Variants in MTUS1 observed in about 807,000 individuals in gnomAD.
MTUS1 encodes the protein microtubule-associated tumor suppressor 1.
Under a neutral mutation model 120.8 loss-of-function variants are expected in MTUS1, and 109 were observed. That is an observed-to-expected ratio of 0.90 (90% confidence interval 0.77 to 1.06). The LOEUF (loss-of-function observed/expected upper bound fraction) is 1.06, where lower values mean the gene tolerates loss of function less well. Ranked by LOEUF, MTUS1 falls within the 50% of genes least tolerant of loss-of-function variation. MTUS1 has a pLI of 0.00. For missense variants in MTUS1, 2,210 were observed against 1,486.3 expected (o/e 1.49, Z -8.01); for synonymous variants, 737 against 550.5 (o/e 1.34, Z -4.74).
chr8:17,690,310 A>T (rs1038524417), intron 6 of MTUS1, among the ~76,000 whole-genome samples: 3 of 152,238 alleles, frequency 2.0e-5, no homozygotes, highest in South Asian at 4.1e-4. Flanking sequence ...TCATCAGAGA[A>T]ATGCAAATGA....
chr8:17,693,765 C>T (rs1817425653), intron 6 of MTUS1, among the ~76,000 whole-genome samples: 1 of 152,206 alleles, frequency 6.6e-6, no homozygotes, highest in South Asian at 2.1e-4. Context: ...AACTGGTGCT[C>T]TGTCTCCTTC....
chr8:17,781,390 T>G (rs1349374350), intron 1 of MTUS1, among the ~76,000 whole-genome samples: 1 of 152,222 alleles, frequency 6.6e-6, no homozygotes, highest in African/African-American at 2.4e-5. Context: ...ATGTGTAGTC[T>G]TTGTTTAAAT....
intron 3 of MTUS1, among the ~76,000 whole-genome samples, chr8:17,737,790 A>G (rs1409181677): frequency 3.3e-5 from 5 of 152,156 alleles, no homozygotes; most frequent in Non-Finnish European, 7.3e-5. Context: ...TCCGGCCTCA[A>G]CTTGGCTTTT....
intron 1 of MTUS1, among the ~76,000 whole-genome samples, chr8:17,761,474 A>G (rs11779088): frequency 0.98 from 148,676 of 152,266 alleles, 72,681 homozygotes; most frequent in East Asian, 1. Flanking sequence ...GCATGACGTG[A>G]CCAAATCAGT....
At chr8:17,666,471 G>A (rs1810934023) in intron 8 of MTUS1, among the ~76,000 whole-genome samples, 1 of 152,058 alleles carries the variant, frequency 6.6e-6, no homozygotes. Flanking sequence ...TTCTTACTAT[G>A]CTTGAGATAT....
chr8:17,743,765 C>T lies in MTUS1; in HGVS notation c.2126G>A (p.Arg709Lys). The T allele has an allele frequency of 6.2e-7, 1 of 1,614,074 alleles. No individual in the cohort carries two copies. The highest frequency in any genetic ancestry group is 8.5e-7 in the Non-Finnish European group (1 of 1,179,992). Residue 709 changes from arginine (R) to lysine (K), a missense_variant, in exon 3 of 15, where the codon AGG (arginine) becomes AAG (lysine). By Grantham distance (26) the Arg-to-Lys change is conservative (BLOSUM62 2). Coordinates refer to ENST00000693296, the MANE Select transcript of MTUS1 (RefSeq NM_001363059.2). ...SASKTTTTSG[R>K]NISKPDSCGL... ...GCAGGAGTCAGGCTTGGATATATTC[C>T]TACCTGAGGTGGTCGTTGTTTTTGA...
intron 3 of MTUS1, among the ~76,000 whole-genome samples, chr8:17,727,899 TTAGA>T (rs1157245252): frequency 1.3e-5 from 2 of 152,170 alleles, no homozygotes; most frequent in African/African-American, 2.4e-5. Context: ...CCACTTTGCC[TTAGA>T]TAGTAACACA....
At chr8:17,794,723 A>G (rs1483533928) in intron 1 of MTUS1, among the ~76,000 whole-genome samples, 1 of 152,236 alleles carries the variant, frequency 6.6e-6, no homozygotes. Context: ...AGTTTACAGT[A>G]TAATAAAAAA....
At chr8:17,734,718 G>C (rs562558752) in intron 3 of MTUS1, among the ~76,000 whole-genome samples, 23 of 152,196 alleles carry the variant, frequency 1.5e-4, no homozygotes, top group African/African-American at 4.8e-4. Context: ...CCATACAAAG[G>C]AGATAAACAA....
At chr8:17,748,260 T>G (rs951887107) in intron 2 of MTUS1, 2 of 152,214 alleles carry the variant, frequency 1.3e-5, no homozygotes, top group African/African-American at 4.8e-5. Context: ...AAGAGCCAAG[T>G]GTAGATGGCC....
chr8:17,679,144 T>C (rs1456100877), intron 7 of MTUS1, among the ~76,000 whole-genome samples: 1 of 149,530 alleles, frequency 6.7e-6, no homozygotes, highest in Non-Finnish European at 1.5e-5. Flanking sequence ...TTTTCACCCA[T>C]AATCGAAGGC....
intron 1 of MTUS1, among the ~76,000 whole-genome samples, chr8:17,763,355 T>C (rs905736270): frequency 5.3e-5 from 8 of 152,196 alleles, no homozygotes; most frequent in African/African-American, 1.7e-4. Flanking sequence ...TGCTTTTGAA[T>C]GCTGCTCTCA....
chr8:17,710,785 T>C (rs1821127873), intron 6 of MTUS1, among the ~76,000 whole-genome samples: 1 of 152,232 alleles, frequency 6.6e-6, no homozygotes, highest in Non-Finnish European at 1.5e-5. Context: ...ACTTCTTAAA[T>C]AGTAAGACCT....
chr8:17,666,168 T>G (rs1213769876), intron 8 of MTUS1, among the ~76,000 whole-genome samples: 1 of 138,924 alleles, frequency 7.2e-6, no homozygotes, highest in African/African-American at 2.7e-5. Flanking sequence ...GGAATAAAAG[T>G]GGGTTGGAGG....
chr8:17,735,015 G>T (rs2046830882), intron 3 of MTUS1, among the ~76,000 whole-genome samples: 1 of 152,030 alleles, frequency 6.6e-6, no homozygotes, highest in African/African-American at 2.4e-5. Context: ...GGGCTCAAGA[G>T]ATCCTCCTGT....
chr8:17,713,107 G>T, intron 6 of MTUS1, 107 bp downstream of exon 6: 1 of 921,780 alleles, frequency 1.1e-6, no homozygotes, highest in Non-Finnish European at 1.7e-6. Flanking sequence ...CCTCAAATTG[G>T]AAATTCTACT....
intron 6 of MTUS1, chr8:17,692,052 G>C (rs1199272088): frequency 6.6e-6 from 1 of 152,074 alleles, no homozygotes; most frequent in Non-Finnish European, 1.5e-5. Context: ...ATAGAATAGA[G>C]AAAAAATAGC....
chr8:17,702,245 G>C (rs775535221), intron 6 of MTUS1, among the ~76,000 whole-genome samples: 9 of 152,150 alleles, frequency 5.9e-5, no homozygotes, highest in Non-Finnish European at 1.2e-4. Context: ...GCCAGTACCA[G>C]GTGCTAACAT....
At chr8:17,654,508 A>C in intron 10 of MTUS1, 53 bp downstream of exon 10, 1 of 1,182,096 alleles carries the variant, frequency 8.5e-7, no homozygotes, top group Non-Finnish European at 1.3e-6. Flanking sequence ...TTAAAACATC[A>C]TGTGGTTCCT....
Sources: gnomAD v4.1 joint callset for allele counts (sites outside exome capture counted in the v4.1 genomes callset) on GRCh38, gnomAD v4.1.1 for gene constraint, MANE v1.5 for transcripts, NCBI Gene and HGNC (gene_info 2026-07-23, HGNC 2026-07-21) for gene names.